SLC44A5: variants seen among roughly 807,000 people sequenced by gnomAD.
SLC44A5 encodes the protein solute carrier family 44 member 5.
A neutral mutation model predicts 101.8 loss-of-function variants in SLC44A5; 57 were observed. That is an observed-to-expected ratio of 0.56 (90% confidence interval 0.45 to 0.70). SLC44A5 has a LOEUF of 0.70. Ranked by LOEUF, SLC44A5 falls within the 30% of genes least tolerant of loss-of-function variation. The pLI is 0.00. For missense variants in SLC44A5, 737 were observed against 853.1 expected (o/e 0.86, Z 1.70); for synonymous variants, 281 against 290.9 (o/e 0.97, Z 0.35).
At chr1:75,641,704 C>T in the SLC44A5 span, 8 of 1,551,266 alleles carry the variant, frequency 5.2e-6, no homozygotes, top group East Asian at 1.8e-4. Context: ...GTATGAGATA[C>T]TGCATATTCA....
intron 1 of SLC44A5, among the ~76,000 whole-genome samples, chr1:75,572,613 G>C (rs540156173): frequency 2.0e-5 from 3 of 152,246 alleles, no homozygotes; most frequent in Admixed American, 1.3e-4. Flanking sequence ...AAAAGAAGTG[G>C]AAGAAAGACT....
intron 4 of SLC44A5, among the ~76,000 whole-genome samples, chr1:75,330,144 CATATACGTAT>C (rs1557669623): frequency 3.5e-4 from 35 of 100,774 alleles, no homozygotes; most frequent in African/African-American, 7.8e-4. Flanking sequence ...CACACACATG[CATATACGTAT>C]ATGCATATAT....
At chr1:75,711,221 G>A in the SLC44A5 span, among the ~76,000 whole-genome samples, 5 of 152,124 alleles carry the variant, frequency 3.3e-5, no homozygotes, top group African/African-American at 9.7e-5. Context: ...CATAGGCCAG[G>A]GGCAGCAAGG....
At chr1:75,230,603 T>A (rs555529819) in intron 12 of SLC44A5, among the ~76,000 whole-genome samples, 1 of 151,944 alleles carries the variant, frequency 6.6e-6, no homozygotes, top group East Asian at 1.9e-4. Flanking sequence ...TCATGTTCTA[T>A]ATCTTTCTTT....
chr1:75,262,188 G>A (rs552388839), intron 6 of SLC44A5, among the ~76,000 whole-genome samples: 41 of 152,314 alleles, frequency 2.7e-4, no homozygotes, highest in African/African-American at 9.1e-4. Flanking sequence ...AAAAGAGGAA[G>A]TCAAATTGTC....
chr1:75,282,039 G>C (rs569583511), intron 5 of SLC44A5, among the ~76,000 whole-genome samples: 69 of 152,280 alleles, frequency 4.5e-4, no homozygotes, highest in Non-Finnish European at 8.4e-4. Flanking sequence ...CCAACAGCTT[G>C]CATGATGCAA....
intron 3 of SLC44A5, among the ~76,000 whole-genome samples, chr1:75,373,927 G>A (rs1368878723): frequency 1.3e-5 from 2 of 152,156 alleles, no homozygotes; most frequent in Admixed American, 6.5e-5. Flanking sequence ...TCAGGTTGGG[G>A]AGGAGCCCCC....
At chr1:75,611,394 C>A (rs1675650628), upstream of SLC44A5, among the ~76,000 whole-genome samples, 1 of 152,132 alleles carries the variant, frequency 6.6e-6, no homozygotes, top group South Asian at 2.1e-4. Context: ...AATATCATAG[C>A]ACCTTCTTGT....
At chr1:75,330,187 A>ATGTATATG (rs1656937601) in intron 4 of SLC44A5, among the ~76,000 whole-genome samples, 1 of 150,606 alleles carries the variant, frequency 6.6e-6, no homozygotes, top group Non-Finnish European at 1.5e-5. Context: ...GCATATATAT[A>ATGTATATG]CGTATATGCA....
At chr1:75,608,108 T>C (rs1304348280) in intron 1 of SLC44A5, among the ~76,000 whole-genome samples, 1 of 152,004 alleles carries the variant, frequency 6.6e-6, no homozygotes, top group African/African-American at 2.4e-5. Context: ...TTTTTCTTTT[T>C]GTGCCTGGTT....
intron 2 of SLC44A5, among the ~76,000 whole-genome samples, chr1:75,482,431 T>C (rs1164196798): frequency 1.3e-5 from 2 of 151,264 alleles, no homozygotes. Context: ...AATAATAAAA[T>C]AAAAAATAAA....
the SLC44A5 span, among the ~76,000 whole-genome samples, chr1:75,683,088 A>T: frequency 7.9e-5 from 12 of 151,900 alleles, no homozygotes; most frequent in South Asian, 4.2e-4. Flanking sequence ...ATGGCAATCA[A>T]TAAAAAGTCA....
chr1:75,482,032 A>G (rs1177125876), intron 2 of SLC44A5, among the ~76,000 whole-genome samples: 1 of 152,132 alleles, frequency 6.6e-6, no homozygotes, highest in Non-Finnish European at 1.5e-5. Context: ...AATGTCCAAC[A>G]ATGATAGACT....
chr1:75,673,272 C>A, the SLC44A5 span, among the ~76,000 whole-genome samples: 4 of 151,486 alleles, frequency 2.6e-5, no homozygotes, highest in Non-Finnish European at 5.9e-5. Context: ...TGAATATTGG[C>A]AGTAGCTAGG....
At chr1:75,340,510 A>G (rs191584954) in intron 3 of SLC44A5, among the ~76,000 whole-genome samples, 8 of 152,230 alleles carry the variant, frequency 5.3e-5, no homozygotes, top group African/African-American at 1.7e-4. Flanking sequence ...TTCAGTGCCA[A>G]GTTCTCTAGC....
intron 1 of SLC44A5, among the ~76,000 whole-genome samples, chr1:75,607,731 C>A (rs896354195): frequency 2.0e-5 from 3 of 151,854 alleles, no homozygotes; most frequent in African/African-American, 7.3e-5. Flanking sequence ...GGGGAGTTCC[C>A]CTGTACATGC....
At chr1:75,665,383 C>T in the SLC44A5 span, among the ~76,000 whole-genome samples, 77,201 of 151,876 alleles carry the variant, frequency 0.51, 20,848 homozygotes, top group Middle Eastern at 0.64. Context: ...AATGATGCTA[C>T]GTTAACTGTC....
intron 3 of SLC44A5, among the ~76,000 whole-genome samples, chr1:75,352,942 T>C (rs1658796048): frequency 1.3e-5 from 2 of 152,212 alleles, no homozygotes; most frequent in South Asian, 4.1e-4. Flanking sequence ...AATCACTGTC[T>C]AGAATTTCAT....
intron 2 of SLC44A5, among the ~76,000 whole-genome samples, chr1:75,518,181 C>T (rs1172476736): frequency 2.6e-5 from 4 of 152,182 alleles, no homozygotes; most frequent in Non-Finnish European, 4.4e-5. Flanking sequence ...AGTTTAAATT[C>T]GAGGAAATAT....
Sources: allele counts gnomAD v4.1 joint callset (sites outside exome capture counted in the v4.1 genomes callset), GRCh38; gene constraint gnomAD v4.1.1; transcripts MANE v1.5; gene names NCBI Gene and HGNC (gene_info 2026-07-23, HGNC 2026-07-21).